TEAD4: variants seen among roughly 807,000 people sequenced by gnomAD.
TEAD4 encodes the protein transcriptional enhancer factor TEF-3.
Under a neutral mutation model 52.4 loss-of-function variants are expected in TEAD4, and 36 were observed. That is an observed-to-expected ratio of 0.69 (90% confidence interval 0.53 to 0.91). The LOEUF (loss-of-function observed/expected upper bound fraction) is 0.91, where lower values mean the gene tolerates loss of function less well. Among genes scored for constraint, TEAD4 ranks in the 40% least tolerant of loss-of-function variants. TEAD4 has a pLI of 0.00. For synonymous variants in TEAD4, 220 were observed against 231.0 expected (o/e 0.95, Z 0.43); for missense variants, 508 against 583.9 (o/e 0.87, Z 1.34).
intron 10 of TEAD4, among the ~76,000 whole-genome samples, chr12:3,025,167 C>T (rs2098271320): frequency 6.6e-6 from 1 of 152,186 alleles, no homozygotes; most frequent in Admixed American, 6.5e-5. Flanking sequence ...TGGTCTTGAA[C>T]TCCTGACCTC....
intron 2 of TEAD4, among the ~76,000 whole-genome samples, chr12:2,979,286 T>C (rs1025475632): frequency 6.6e-6 from 1 of 152,208 alleles, no homozygotes; most frequent in South Asian, 2.1e-4. Flanking sequence ...CATTCCTCTA[T>C]TGATGGACAT....
intron 2 of TEAD4, among the ~76,000 whole-genome samples, chr12:2,991,087 T>A (rs2098242611): frequency 6.6e-6 from 1 of 152,196 alleles, no homozygotes; most frequent in Admixed American, 6.5e-5. Context: ...GAGTCCCAGC[T>A]ACTCAGGAGG....
rs760309313 is a variant in TEAD4 at position 3,040,400 on chromosome 12, G to A, written c.1227G>A (p.Leu409=). The change falls in exon 13 of 13, where the codon CTG becomes CTA. Residue 409 remains leucine, a synonymous_variant. Transcript: ENST00000359864. ...ACAGAGACACACAGGAGACCTTGCT[G>A]TGCATTGCCTATGTCTTTGAGGTGT... 2.7e-5 allele frequency: 43 copies of A among 1,614,094 alleles called. 1 individual carries two copies. Among genetic ancestry groups the A allele is most frequent in the South Asian group, 1.8e-4 (16 of 91,092 alleles).
chr12:2,967,344 T>C (rs1565520924), intron 2 of TEAD4, among the ~76,000 whole-genome samples: 1 of 151,836 alleles, frequency 6.6e-6, no homozygotes. Flanking sequence ...TAATGGGTAA[T>C]AGTGCATGTC....
intron 2 of TEAD4, among the ~76,000 whole-genome samples, chr12:2,964,442 G>A (rs1052756771): frequency 6.6e-6 from 1 of 151,798 alleles, no homozygotes; most frequent in African/African-American, 2.4e-5. Context: ...TGGACAACGT[G>A]AGGGATTTCT....
chr12:2,963,673 C>A (rs1028092959), intron 2 of TEAD4, among the ~76,000 whole-genome samples: 1 of 152,216 alleles, frequency 6.6e-6, no homozygotes, highest in African/African-American at 2.4e-5. Context: ...GTTTTTCCCG[C>A]TACTATCTGG....
At chr12:2,980,378 C>G (rs971068406) in intron 2 of TEAD4, among the ~76,000 whole-genome samples, 1 of 152,196 alleles carries the variant, frequency 6.6e-6, no homozygotes, top group Admixed American at 6.5e-5. Context: ...CTCTGCACAT[C>G]TAACTTGCAT....
intron 10 of TEAD4, among the ~76,000 whole-genome samples, chr12:3,022,437 G>C (rs867079316): frequency 6.6e-6 from 1 of 152,280 alleles, no homozygotes; most frequent in Non-Finnish European, 1.5e-5. Context: ...CGGTGCTCGC[G>C]TCCAAGGCAT....
At chr12:3,018,710 A>C (rs2098266410) in intron 7 of TEAD4, 122 bp downstream of exon 7, 3 of 1,252,192 alleles carry the variant, frequency 2.4e-6, no homozygotes, top group African/African-American at 3.0e-5. Flanking sequence ...TCGGCCTTTC[A>C]GGATGGCTCT....
intron 3 of TEAD4, among the ~76,000 whole-genome samples, chr12:3,003,908 C>T (rs2153956070): frequency 6.6e-6 from 1 of 152,318 alleles, no homozygotes; most frequent in South Asian, 2.1e-4. Flanking sequence ...AGGACAAGCC[C>T]CTCCCACCGC....
intron 2 of TEAD4, among the ~76,000 whole-genome samples, chr12:2,962,273 T>G (rs2098216028): frequency 7.3e-6 from 1 of 137,336 alleles, no homozygotes; most frequent in Non-Finnish European, 1.5e-5. Flanking sequence ...CATATATATA[T>G]ATTTATATAT....
rs371179535 is a variant in TEAD4 at position 3,040,398 on chromosome 12, C to T, written c.1225C>T (p.Leu409=). Residue 409 remains leucine, a synonymous_variant, in exon 13 of 13, where the codon CTG becomes TTG. Transcript: ENST00000359864. ...CAACAGAGACACACAGGAGACCTTG[C>T]TGTGCATTGCCTATGTCTTTGAGGT... 18 of 1,614,092 alleles carry T rather than the reference C, an allele frequency of 1.1e-5. No homozygotes were observed. In the African/African-American group the frequency reaches 2.4e-4, roughly 22 times the overall value.
At chr12:2,993,112 G>C (rs1229479474) in intron 2 of TEAD4, among the ~76,000 whole-genome samples, 1 of 152,104 alleles carries the variant, frequency 6.6e-6, no homozygotes, top group Non-Finnish European at 1.5e-5. Context: ...TTTTCATTGT[G>C]GTAAAAAAGA....
intron 9 of TEAD4, among the ~76,000 whole-genome samples, chr12:3,021,129 G>A (rs376049249): frequency 1.3e-5 from 2 of 151,966 alleles, no homozygotes; most frequent in South Asian, 2.1e-4. Flanking sequence ...TCTGAGAAGC[G>A]GGCAGGAAGC....
intron 10 of TEAD4, among the ~76,000 whole-genome samples, chr12:3,034,617 G>A (rs2098278166): frequency 6.6e-6 from 1 of 152,172 alleles, no homozygotes; most frequent in South Asian, 2.1e-4. Context: ...AAGATGGCAC[G>A]TGAATATGCA....
At chr12:2,969,249 A>C (rs2098223157) in intron 2 of TEAD4, among the ~76,000 whole-genome samples, 1 of 152,260 alleles carries the variant, frequency 6.6e-6, no homozygotes, top group Non-Finnish European at 1.5e-5. Context: ...GCTGCATTGA[A>C]TCCATGCAAA....
chr12:3,038,264 C>T (rs1231413244), intron 11 of TEAD4, among the ~76,000 whole-genome samples, 156 bp downstream of exon 11: 10 of 152,234 alleles, frequency 6.6e-5, no homozygotes, highest in Admixed American at 2.6e-4. Flanking sequence ...GTGCCTCCCA[C>T]ACTCCCCTTG....
intron 5 of TEAD4, among the ~76,000 whole-genome samples, chr12:3,015,715 G>A (rs2098263985): frequency 6.6e-6 from 1 of 152,214 alleles, no homozygotes; most frequent in Non-Finnish European, 1.5e-5. Context: ...GAGTGCAGTA[G>A]TGCTGTCACA....
chr12:3,032,621 CTG>C (rs2098276391), intron 10 of TEAD4, among the ~76,000 whole-genome samples: 1 of 152,204 alleles, frequency 6.6e-6, no homozygotes, highest in South Asian at 2.1e-4. Context: ...CTGCCAGGGG[CTG>C]TGTCGCTGAA....
Sources: allele counts gnomAD v4.1 joint callset (sites outside exome capture counted in the v4.1 genomes callset), GRCh38; gene constraint gnomAD v4.1.1; transcripts MANE v1.5; gene names NCBI Gene and HGNC (gene_info 2026-07-23, HGNC 2026-07-21).